Variants in TPO observed in about 807,000 individuals in gnomAD.
The protein encoded by TPO is thyroid microsomal antigen.
Under a neutral mutation model 96.9 loss-of-function variants are expected in TPO, and 78 were observed. The ratio of observed to expected loss-of-function variants is 0.81; its 90% CI spans 0.67 to 0.97. The LOEUF is 0.97. Ranked by LOEUF, TPO falls within the 50% of genes least tolerant of loss-of-function variation. TPO has a pLI of 0.00. For missense variants in TPO, 1,252 were observed against 1,274.8 expected, an observed-to-expected ratio of 0.98 and a Z score of 0.27; for synonymous variants, 547 against 538.0, an observed-to-expected ratio of 1.02 and a Z score of -0.23.
chr2:1,535,580 C>T (rs1679439866), intron 15 of TPO, among the ~76,000 whole-genome samples: 1 of 15,230 alleles, frequency 6.6e-5, no homozygotes, highest in Admixed American at 7.4e-4. Context: ...CCCAAATCCC[C>T]CCACTGCGAA....
chr2:1,478,973 C>T (rs1670274888), intron 8 of TPO, among the ~76,000 whole-genome samples: 1 of 152,208 alleles, frequency 6.6e-6, no homozygotes, highest in African/African-American at 2.4e-5. Context: ...GAGCATCAGC[C>T]GGACGGAGGA....
intron 15 of TPO, among the ~76,000 whole-genome samples, chr2:1,529,297 C>G (rs372123184): frequency 8.0e-6 from 1 of 124,294 alleles, no homozygotes; most frequent in Non-Finnish European, 1.6e-5. Context: ...GTGCAACCTC[C>G]CCAAATCCCC....
intron 10 of TPO, among the ~76,000 whole-genome samples, chr2:1,488,724 G>T (rs766318472): frequency 2.0e-5 from 3 of 152,180 alleles, no homozygotes; most frequent in Non-Finnish European, 2.9e-5. Flanking sequence ...CCCTCCTGTT[G>T]TGTGTGGGTG....
At chr2:1,539,166 C>T (rs1396730317) in intron 15 of TPO, among the ~76,000 whole-genome samples, 2 of 152,092 alleles carry the variant, frequency 1.3e-5, no homozygotes, top group African/African-American at 2.4e-5. Context: ...GATCCAGTTC[C>T]GTTTACAGTA....
At chr2:1,446,197 C>T (rs1383129636) in intron 5 of TPO, among the ~76,000 whole-genome samples, 2 of 152,174 alleles carry the variant, frequency 1.3e-5, no homozygotes, top group East Asian at 1.9e-4. Flanking sequence ...GACATCTACC[C>T]AGAGGTGACC....
Position 1,488,138 on chromosome 2 carries a change from A to C in TPO, c.1768+147A>C, listed in dbSNP as rs1391953964. 3.3e-6 allele frequency: 4 copies of C among 1,194,920 alleles called. No homozygotes were observed. In the East Asian group the frequency reaches 1.0e-4, roughly 30 times the overall value. The allele number at this position is 1,194,920 out of a possible 1,614,324, so 74.0% of individuals were successfully genotyped here. On this transcript the variant is annotated intron_variant, in intron 10 of 16. Transcript: ENST00000329066. ...AACGGCTCTTAAAGGGCTCCAGTTCATTCAGCTAAAGTGGCCACTTCCAGC... is the reference window on the plus strand; with the variant it reads ...AACGGCTCTTAAAGGGCTCCAGTTCCTTCAGCTAAAGTGGCCACTTCCAGC...
At chr2:1,442,300 G>A (rs9326172) in intron 5 of TPO, among the ~76,000 whole-genome samples, 50,156 of 151,952 alleles carry the variant, frequency 0.33, 8,518 homozygotes, top group East Asian at 0.44. Context: ...AATTACTCAC[G>A]GACAGTCCTC....
At chr2:1,515,723 C>A (rs1173978133) in intron 14 of TPO, among the ~76,000 whole-genome samples, 1 of 152,004 alleles carries the variant, frequency 6.6e-6, no homozygotes, top group South Asian at 2.1e-4. Flanking sequence ...CCGCAGTCAC[C>A]CACAGACGCA....
intron 6 of TPO, among the ~76,000 whole-genome samples, chr2:1,455,240 G>T (rs183617211): frequency 6.6e-6 from 1 of 152,184 alleles, no homozygotes; most frequent in Non-Finnish European, 1.5e-5. Context: ...TAATGTAATC[G>T]CATCAGCAGG....
At chr2:1,460,465 C>T (rs1313849589) in intron 7 of TPO, among the ~76,000 whole-genome samples, 2 of 152,108 alleles carry the variant, frequency 1.3e-5, no homozygotes, top group African/African-American at 4.8e-5. Flanking sequence ...GTCTTGGGTT[C>T]CAGGCTTGCC....
intron 15 of TPO, among the ~76,000 whole-genome samples, chr2:1,530,858 C>T (rs544998414): frequency 7.5e-6 from 1 of 134,208 alleles, no homozygotes; most frequent in Non-Finnish European, 1.6e-5. Flanking sequence ...CCAAATACCC[C>T]CACTGTGTGC....
At chr2:1,477,689 C>G in intron 8 of TPO, 85 bp downstream of exon 8, 1 of 1,394,654 alleles carries the variant, frequency 7.2e-7, no homozygotes, top group Non-Finnish European at 9.3e-7. Context: ...CGTGGCTTCT[C>G]TCTCCCAGGT....
At chr2:1,382,735 T>TA (rs1661828867) in intron 1 of TPO, among the ~76,000 whole-genome samples, 1 of 152,192 alleles carries the variant, frequency 6.6e-6, no homozygotes, top group South Asian at 2.1e-4. Context: ...AATATATATA[T>TA]TTTTTATTAT....
intron 13 of TPO, among the ~76,000 whole-genome samples, chr2:1,502,146 T>C (rs1672932620): frequency 6.6e-6 from 1 of 152,032 alleles, no homozygotes; most frequent in African/African-American, 2.4e-5. Context: ...ATGGAAACAC[T>C]CCCTACCCCA....
intron 16 of TPO, 111 bp from the exon 17 acceptor site, chr2:1,542,310 C>A: frequency 1.4e-6 from 2 of 1,434,512 alleles, no homozygotes; most frequent in African/African-American, 1.4e-5. Flanking sequence ...CGCCAGCGGT[C>A]CTTTGTGAAA....
intron 12 of TPO, 108 bp downstream of exon 12, chr2:1,496,305 GTC>G: frequency 7.7e-7 from 1 of 1,292,308 alleles, no homozygotes; most frequent in Non-Finnish European, 1.1e-6. Flanking sequence ...AGAAAATAGT[GTC>G]AACGCCCTGC....
At chr2:1,498,003 A>AAG in intron 13 of TPO, among the ~76,000 whole-genome samples, 1 of 151,798 alleles carries the variant, frequency 6.6e-6, no homozygotes, top group Non-Finnish European at 1.5e-5. Context: ...AAAAAAAAAA[A>AAG]AAAAAAAAAG....
chr2:1,475,233 T>C (rs1451647792), intron 7 of TPO, among the ~76,000 whole-genome samples: 1 of 152,158 alleles, frequency 6.6e-6, no homozygotes, highest in Non-Finnish European at 1.5e-5. Context: ...CTCCCATTCT[T>C]GGGGCCTCTG....
intron 13 of TPO, among the ~76,000 whole-genome samples, chr2:1,501,796 C>G (rs1028134361): frequency 6.6e-6 from 1 of 152,090 alleles, no homozygotes; most frequent in Admixed American, 6.5e-5. Flanking sequence ...CCCCGACTCC[C>G]GAGAGCCTGC....
Sources: allele counts gnomAD v4.1 joint callset (sites outside exome capture counted in the v4.1 genomes callset), GRCh38; gene constraint gnomAD v4.1.1; transcripts MANE v1.5; gene names NCBI Gene and HGNC (gene_info 2026-07-23, HGNC 2026-07-21).